TTC39C: variants seen among roughly 807,000 people sequenced by gnomAD.
The protein encoded by TTC39C is tetratricopeptide repeat domain 39C.
In TTC39C, 33 loss-of-function variants were observed where a neutral mutation model predicts 76.3. The ratio of observed to expected loss-of-function variants is 0.43; its 90% CI spans 0.33 to 0.58. The LOEUF is 0.58. TTC39C is among the 20% of genes least tolerant of loss of function. The pLI is 0.04. For missense variants in TTC39C, 595 were observed against 701.4 expected, an observed-to-expected ratio of 0.85 and a Z score of 1.71; for synonymous variants, 254 against 260.6, an observed-to-expected ratio of 0.97 and a Z score of 0.24.
At chr18:24,126,702 C>T (rs79462208) in intron 10 of TTC39C, among the ~76,000 whole-genome samples, 3,253 of 151,216 alleles carry the variant, frequency 0.022, 66 homozygotes, top group Middle Eastern at 0.065. Context: ...AGGCTGGGTG[C>T]ACTGATGTGT....
chr18:24,116,345 C>A lies in TTC39C; in HGVS notation c.1078+1698C>A, dbSNP rs556743225. Among the ~76,000 whole-genome samples the A allele has an allele frequency of 4.3e-4, 66 of 152,290 alleles. 1 individual carries two copies. In the Middle Eastern group the frequency reaches 0.01, roughly 24 times the overall value. ...ATCGCCTAAAGCCAGGACTTCGAGACCAGCCAGGTCAGCATGGTGAAACCC... is the reference window on the plus strand; with the variant it reads ...ATCGCCTAAAGCCAGGACTTCGAGAACAGCCAGGTCAGCATGGTGAAACCC... On this transcript the variant is annotated intron_variant, in intron 7 of 13. Coordinates refer to ENST00000317571, the MANE Select transcript of TTC39C (RefSeq NM_001135993.2).
chr18:24,088,092 A>C (rs550556454), intron 6 of TTC39C, among the ~76,000 whole-genome samples: 4 of 152,354 alleles, frequency 2.6e-5, no homozygotes, highest in African/African-American at 9.6e-5. Context: ...GTTCCAAAGA[A>C]GAAGTTGTAA....
intron 6 of TTC39C, among the ~76,000 whole-genome samples, chr18:24,100,793 T>C (rs1431569004): frequency 6.6e-6 from 1 of 152,220 alleles, no homozygotes; most frequent in East Asian, 1.9e-4. Flanking sequence ...GTGGACCTTC[T>C]CTGGTGTTCT....
intron 1 of TTC39C, among the ~76,000 whole-genome samples, chr18:24,058,854 G>T (rs897049784): frequency 2.0e-5 from 3 of 152,058 alleles, no homozygotes; most frequent in African/African-American, 7.2e-5. Context: ...TTTTAATTTG[G>T]ATTTCCCTGA....
chr18:24,006,646 G>A (rs910367462), intron 1 of TTC39C, among the ~76,000 whole-genome samples: 8 of 152,208 alleles, frequency 5.3e-5, no homozygotes, highest in South Asian at 4.1e-4. Context: ...TGAGACAGGC[G>A]ATCTACTGTG....
At chr18:24,118,032 G>A in intron 7 of TTC39C, 93 bp from the exon 8 acceptor site, 1 of 926,588 alleles carries the variant, frequency 1.1e-6, no homozygotes, top group Non-Finnish European at 1.6e-6. Context: ...AACATGCACA[G>A]AGAATGATCG....
chr18:24,049,231 G>A (rs977375302), intron 1 of TTC39C, among the ~76,000 whole-genome samples: 12 of 152,186 alleles, frequency 7.9e-5, no homozygotes, highest in Non-Finnish European at 1.0e-4. Flanking sequence ...CTTCGTAGGC[G>A]TGGAAAAGAT....
At position 24,068,502 on chromosome 18, in the gene TTC39C, CAG is replaced by C. The variant is rs755515022; in HGVS notation, c.346-652_346-651del. ...TCAAGTTTACTTTGTACTAAGAATGCAGAGTGTTCTATTCTGAAGTGTTCTAT... is the reference window on the plus strand; with the variant it reads ...TCAAGTTTACTTTGTACTAAGAATGCAGTGTTCTATTCTGAAGTGTTCTAT... On this transcript the variant is annotated intron_variant, in intron 3 of 13. Coordinates refer to ENST00000317571, the MANE Select transcript of TTC39C (RefSeq NM_001135993.2). Among the ~76,000 whole-genome samples the C allele has an allele frequency of 3.3e-5, 5 of 152,262 alleles. No homozygotes were observed. The South Asian group carries it at 6.2e-4, about 19-fold the overall frequency.
At chr18:24,063,484 A>G (rs1315893299) in intron 1 of TTC39C, among the ~76,000 whole-genome samples, 1 of 147,680 alleles carries the variant, frequency 6.8e-6, no homozygotes, top group African/African-American at 2.5e-5. Flanking sequence ...TTCTTTGGCC[A>G]TGTTTTTGTA....
At chr18:24,069,887 TTTAA>T (rs1428239011) in intron 4 of TTC39C, among the ~76,000 whole-genome samples, 1 of 152,216 alleles carries the variant, frequency 6.6e-6, no homozygotes, top group Non-Finnish European at 1.5e-5. Context: ...ACCTAATTCT[TTTAA>T]TTATGTGGTT....
At chr18:24,117,322 G>A (rs2084906371) in intron 7 of TTC39C, among the ~76,000 whole-genome samples, 1 of 152,128 alleles carries the variant, frequency 6.6e-6, no homozygotes, top group Non-Finnish European at 1.5e-5. Context: ...CCAGGAAGGT[G>A]GGGTTCTTTC....
intron 6 of TTC39C, among the ~76,000 whole-genome samples, chr18:24,092,453 A>C (rs1468870504): frequency 1.3e-5 from 2 of 152,240 alleles, no homozygotes; most frequent in Non-Finnish European, 2.9e-5. Flanking sequence ...ATTATTATCC[A>C]TAATAGCCAA....
chr18:24,121,397 T>C (rs574421546), intron 8 of TTC39C, among the ~76,000 whole-genome samples: 4 of 152,216 alleles, frequency 2.6e-5, no homozygotes, highest in East Asian at 1.9e-4. Context: ...ACAACCAACA[T>C]GGAGAAACTC....
intron 6 of TTC39C, among the ~76,000 whole-genome samples, chr18:24,093,155 A>G (rs2084546353): frequency 6.6e-6 from 1 of 152,178 alleles, no homozygotes; most frequent in African/African-American, 2.4e-5. Flanking sequence ...GAATTTTGTG[A>G]TTTTTGAATT....
chr18:24,018,302 G>A (rs78936632), intron 1 of TTC39C, among the ~76,000 whole-genome samples: 9,532 of 152,240 alleles, frequency 0.063, 405 homozygotes, highest in Non-Finnish European at 0.093. Context: ...TTGTAAGTTC[G>A]TGATCTTGAC....
chr18:24,057,978 C>A (rs761993789), intron 1 of TTC39C, among the ~76,000 whole-genome samples: 37 of 152,234 alleles, frequency 2.4e-4, no homozygotes, highest in Non-Finnish European at 4.3e-4. Flanking sequence ...TACTATGCAG[C>A]CATAAAAAAG....
intron 6 of TTC39C, among the ~76,000 whole-genome samples, chr18:24,111,469 T>C (rs2084808551): frequency 6.6e-6 from 1 of 151,288 alleles, no homozygotes; most frequent in Non-Finnish European, 1.5e-5. Context: ...CTTAGGAGGC[T>C]GAGGCAGGAG....
chr18:24,073,506 A>T (rs2084266057), intron 4 of TTC39C, among the ~76,000 whole-genome samples: 1 of 149,536 alleles, frequency 6.7e-6, no homozygotes, highest in Admixed American at 6.7e-5. Context: ...TTTGTACAGC[A>T]TTCCCTCCTC....
chr18:24,043,338 G>A (rs1010665238), intron 1 of TTC39C, among the ~76,000 whole-genome samples: 1 of 152,074 alleles, frequency 6.6e-6, no homozygotes, highest in Non-Finnish European at 1.5e-5. Context: ...CTCCAGCCTT[G>A]GTGACAGAGC....
Sources: allele counts gnomAD v4.1 joint callset (sites outside exome capture counted in the v4.1 genomes callset), GRCh38; gene constraint gnomAD v4.1.1; transcripts MANE v1.5; gene names NCBI Gene and HGNC (gene_info 2026-07-23, HGNC 2026-07-21).